Variants in NXPE2 observed in about 807,000 individuals in gnomAD.
The protein encoded by NXPE2 is NXPE family member 2.
NXPE2 carries 34 observed loss-of-function variants against 34.4 expected under a neutral mutation model. The observed-to-expected ratio is 0.99, with a 90% CI of 0.75 to 1.31. The LOEUF (loss-of-function observed/expected upper bound fraction) is 1.31, where lower values mean the gene tolerates loss of function less well. Among genes scored for constraint, NXPE2 ranks in the 40% most tolerant of loss-of-function variants. The probability of loss-of-function intolerance (pLI) is 0.00; values close to 1 mark genes in which losing one functional copy is unlikely to be tolerated. For synonymous variants in NXPE2, 235 were observed against 231.3 expected (o/e 1.02, Z -0.15); for missense variants, 649 against 672.5 (o/e 0.97, Z 0.39).
At chr11:114,632,094 A>T in the NXPE2 span, among the ~76,000 whole-genome samples, 1 of 145,060 alleles carries the variant, frequency 6.9e-6, no homozygotes, top group Admixed American at 7.1e-5. Context: ...TATATTGTAA[A>T]TATAATGTAA....
chr11:114,679,659 T>C lies in NXPE2; in HGVS notation c.29T>C (p.Ile10Thr). The C allele has an allele frequency of 6.5e-7, 1 of 1,533,464 alleles. No homozygotes were observed. Among genetic ancestry groups the C allele is most frequent in the African/African-American group, 1.4e-5 (1 of 72,728 alleles). The allele number at this position is 1,533,464 out of a possible 1,614,324, so 95.0% of individuals were successfully genotyped here. MVEKILIHRILTLFPNAIAR... is the reference protein window; with the variant it reads MVEKILIHRTLTLFPNAIAR... The stretch of plus-strand genomic sequence containing the variant: ...ATTTCTCCTGTCCTTTCTTATAGGA[T>C]ACTCACTTTGTTTCCAAATGCCATA... The change falls in exon 2 of 6, where the codon ATA becomes ACA. Residue 10 changes from isoleucine (I) to threonine (T), a missense_variant and splice_region_variant. By Grantham distance (89) the Ile-to-Thr change is moderately conservative (BLOSUM62 -1). Coordinates refer to ENST00000389586, the MANE Select transcript of NXPE2 (RefSeq NM_182495.6).
At chr11:114,656,257 C>T in the NXPE2 span, among the ~76,000 whole-genome samples, 2 of 152,130 alleles carry the variant, frequency 1.3e-5, no homozygotes, top group South Asian at 4.2e-4. Flanking sequence ...GAACTACAAG[C>T]CACTACTCAA....
the NXPE2 span, among the ~76,000 whole-genome samples, chr11:114,484,841 A>G: frequency 1.3e-5 from 2 of 152,220 alleles, no homozygotes; most frequent in Non-Finnish European, 2.9e-5. Context: ...AATGATAAAA[A>G]AGCAGAAAAA....
the NXPE2 span, chr11:114,583,387 T>C: frequency 4.8e-6 from 3 of 625,472 alleles, no homozygotes; most frequent in East Asian, 1.1e-4. Context: ...TGCTCAACTA[T>C]GGTTTCTACT....
At chr11:114,598,308 G>GT in the NXPE2 span, among the ~76,000 whole-genome samples, 1 of 152,258 alleles carries the variant, frequency 6.6e-6, no homozygotes, top group Admixed American at 6.5e-5. Flanking sequence ...AGTGCCTTTG[G>GT]TTTTTCCAGG....
the NXPE2 span, chr11:114,580,162 A>C: frequency 1.2e-6 from 2 of 1,614,072 alleles, no homozygotes; most frequent in Admixed American, 1.7e-5. Flanking sequence ...TATTCCATCC[A>C]CTGGCGGATC....
At chr11:114,618,036 G>A in the NXPE2 span, among the ~76,000 whole-genome samples, 38 of 151,968 alleles carry the variant, frequency 2.5e-4, no homozygotes, top group East Asian at 6.4e-3. Flanking sequence ...GTTGCCTCGT[G>A]GGTAACAACT....
the NXPE2 span, among the ~76,000 whole-genome samples, chr11:114,773,288 C>CCACCCG: frequency 3.1e-3 from 294 of 95,908 alleles, 7 homozygotes; most frequent in African/African-American, 9.2e-3. Context: ...CACCCCCCCC[C>CCACCCG]CACCCCATTC....
intron 3 of NXPE2, among the ~76,000 whole-genome samples, chr11:114,701,701 CT>C (rs1189938272): frequency 6.6e-6 from 1 of 152,180 alleles, no homozygotes; most frequent in Non-Finnish European, 1.5e-5. Context: ...GACATCTTTC[CT>C]TCTCACGAAT....
the NXPE2 span, among the ~76,000 whole-genome samples, chr11:114,520,752 A>C: frequency 1.3e-5 from 2 of 152,144 alleles, no homozygotes; most frequent in Non-Finnish European, 2.9e-5. Flanking sequence ...TTGTGTGTGA[A>C]AATATTACCA....
chr11:114,795,975 A>ACTC, the NXPE2 span, among the ~76,000 whole-genome samples: 8 of 151,878 alleles, frequency 5.3e-5, no homozygotes, highest in Non-Finnish European at 1.5e-5. Flanking sequence ...GCTCTCTCAC[A>ACTC]CTCCTATTCA....
chr11:114,792,004 G>C, the NXPE2 span, among the ~76,000 whole-genome samples: 1 of 152,132 alleles, frequency 6.6e-6, no homozygotes, highest in East Asian at 1.9e-4. Flanking sequence ...CTTGCAGTGA[G>C]CCGAGATCGC....
the NXPE2 span, among the ~76,000 whole-genome samples, chr11:114,548,642 CTA>C: frequency 6.6e-6 from 1 of 151,816 alleles, no homozygotes; most frequent in African/African-American, 2.4e-5. Flanking sequence ...ATGTTAGAAT[CTA>C]TGAGATACAG....
At chr11:114,666,003 G>A in the NXPE2 span, among the ~76,000 whole-genome samples, 3 of 152,040 alleles carry the variant, frequency 2.0e-5, no homozygotes, top group East Asian at 1.9e-4. Context: ...ACAGGTTTCC[G>A]ATTCCAGTGC....
chr11:114,474,091 C>A, the NXPE2 span, among the ~76,000 whole-genome samples: 1 of 152,034 alleles, frequency 6.6e-6, no homozygotes, highest in South Asian at 2.1e-4. Flanking sequence ...TGGGAAGGAA[C>A]ATCAATTTGC....
chr11:114,634,210 C>T, the NXPE2 span, among the ~76,000 whole-genome samples: 11 of 151,828 alleles, frequency 7.2e-5, 1 homozygote, highest in East Asian at 1.9e-3. Flanking sequence ...TCTCTGATGG[C>T]CAGTGATGGT....
the NXPE2 span, among the ~76,000 whole-genome samples, chr11:114,809,484 A>G: frequency 6.4e-5 from 8 of 124,934 alleles, no homozygotes; most frequent in South Asian, 2.7e-3. Context: ...CTGATAAGCA[A>G]CTTCAGCAAA....
At chr11:114,583,234 G>A in the NXPE2 span, 1 of 688,610 alleles carries the variant, frequency 1.5e-6, no homozygotes, top group Non-Finnish European at 2.5e-6. Context: ...GAGAGACAGA[G>A]GGACAGGAAG....
At chr11:114,760,112 C>T in the NXPE2 span, among the ~76,000 whole-genome samples, 75 of 152,120 alleles carry the variant, frequency 4.9e-4, no homozygotes, top group Non-Finnish European at 2.9e-5. Flanking sequence ...TTGTGTCTCC[C>T]TGCACATTCA....
Sources: gnomAD v4.1 joint callset for allele counts (sites outside exome capture counted in the v4.1 genomes callset) on GRCh38, gnomAD v4.1.1 for gene constraint, MANE v1.5 for transcripts, NCBI Gene and HGNC (gene_info 2026-07-23, HGNC 2026-07-21) for gene names.